Variants in SKAP2 observed in about 807,000 individuals in gnomAD.
SKAP2 encodes the protein src kinase associated phosphoprotein 2.
SKAP2 carries 28 observed loss-of-function variants against 54.9 expected under a neutral mutation model. The observed-to-expected ratio is 0.51, with a 90% CI of 0.38 to 0.70. SKAP2 has a LOEUF of 0.70. SKAP2 is among the 30% of genes least tolerant of loss of function. The pLI is 0.00. For synonymous variants in SKAP2, 137 were observed against 134.3 expected, an observed-to-expected ratio of 1.02 and a Z score of -0.14; for missense variants, 356 against 424.1, an observed-to-expected ratio of 0.84 and a Z score of 1.41.
At chr7:26,675,323 G>C (rs942146289) in intron 11 of SKAP2, among the ~76,000 whole-genome samples, 1 of 152,098 alleles carries the variant, frequency 6.6e-6, no homozygotes, top group Non-Finnish European at 1.5e-5. Flanking sequence ...TTCCTTCCCA[G>C]AGACATCTCC....
intron 4 of SKAP2, among the ~76,000 whole-genome samples, chr7:26,744,941 G>A (rs542079589): frequency 1.3e-5 from 2 of 152,096 alleles, no homozygotes; most frequent in South Asian, 4.2e-4. Flanking sequence ...AGACTTCTAA[G>A]GAATCCAAAG....
intron 11 of SKAP2, among the ~76,000 whole-genome samples, chr7:26,682,458 A>C (rs888024725): frequency 2.6e-5 from 4 of 152,214 alleles, no homozygotes; most frequent in Admixed American, 6.5e-5. Context: ...AAGATTTACC[A>C]GGTTGATTCC....
chr7:26,858,833 T>G (rs1394757926), intron 1 of SKAP2, among the ~76,000 whole-genome samples: 2 of 152,180 alleles, frequency 1.3e-5, no homozygotes, highest in Non-Finnish European at 2.9e-5. Context: ...TAGCACAGAT[T>G]CCCACTCTTG....
chr7:26,825,995 C>A (rs1247715221), intron 4 of SKAP2, among the ~76,000 whole-genome samples: 1 of 151,966 alleles, frequency 6.6e-6, no homozygotes, highest in African/African-American at 2.4e-5. Flanking sequence ...TTAAGACTAC[C>A]TCAGTTTTCC....
intron 9 of SKAP2, among the ~76,000 whole-genome samples, chr7:26,691,094 A>G (rs1786770445): frequency 6.6e-6 from 1 of 152,188 alleles, no homozygotes; most frequent in African/African-American, 2.4e-5. Context: ...AGACTCAAAA[A>G]GGTGAAGTAA....
intron 6 of SKAP2, among the ~76,000 whole-genome samples, chr7:26,737,635 T>C (rs907179219): frequency 6.6e-6 from 1 of 152,234 alleles, no homozygotes; most frequent in African/African-American, 2.4e-5. Flanking sequence ...CATTCAGTGA[T>C]ACTTTTGCCT....
At chr7:26,699,507 C>T (rs1314186298) in intron 9 of SKAP2, among the ~76,000 whole-genome samples, 2 of 151,992 alleles carry the variant, frequency 1.3e-5, no homozygotes, top group Non-Finnish European at 2.9e-5. Flanking sequence ...ATTAATAAAT[C>T]AACATTCTTT....
chr7:26,705,862 A>C (rs1168920690), intron 9 of SKAP2, among the ~76,000 whole-genome samples: 3 of 152,216 alleles, frequency 2.0e-5, no homozygotes, highest in Non-Finnish European at 4.4e-5. Context: ...GGGTATTTTC[A>C]TATATTGAAA....
intron 10 of SKAP2, among the ~76,000 whole-genome samples, chr7:26,688,577 T>C (rs960741403): frequency 3.3e-5 from 5 of 152,190 alleles, no homozygotes; most frequent in African/African-American, 7.2e-5. Context: ...AGAGCAAAGG[T>C]CACTTCTATG....
chr7:26,720,789 T>C (rs1208860603), intron 9 of SKAP2, among the ~76,000 whole-genome samples: 1 of 152,126 alleles, frequency 6.6e-6, no homozygotes, highest in Admixed American at 6.5e-5. Context: ...ACTCACTCAC[T>C]ATCACGAGAA....
intron 4 of SKAP2, among the ~76,000 whole-genome samples, chr7:26,801,504 C>G (rs1007460006): frequency 1.2e-4 from 18 of 152,094 alleles, no homozygotes; most frequent in Admixed American, 9.2e-4. Context: ...GAAGTCCTAG[C>G]TAGAGCAATC....
At chr7:26,772,372 C>T (rs7810179) in intron 4 of SKAP2, among the ~76,000 whole-genome samples, 70,055 of 151,882 alleles carry the variant, frequency 0.46, 17,057 homozygotes, top group East Asian at 0.59. Flanking sequence ...TTGACCCTCA[C>T]CCTCCTCCTA....
At chr7:26,676,531 AC>A (rs1434994310) in intron 11 of SKAP2, among the ~76,000 whole-genome samples, 1 of 152,062 alleles carries the variant, frequency 6.6e-6, no homozygotes, top group Non-Finnish European at 1.5e-5. Context: ...CGATTTCTTT[AC>A]CTATAAAGTG....
At chr7:26,725,671 T>C (rs1317166591) in intron 8 of SKAP2, 106 bp from the exon 9 acceptor site, 1 of 1,118,844 alleles carries the variant, frequency 8.9e-7, no homozygotes, top group African/African-American at 1.6e-5. Context: ...ACAATATTGT[T>C]ATATGTTATG....
Position 26,856,193 on chromosome 7 carries a change from T to TA in SKAP2, c.68-1304dup, listed in dbSNP as rs3839808. ...AATAATTAAGAATACTGTAATAATT[T>TA]AAAAAAAATAGCTTATGGTTTGAAG... is the stretch of plus-strand genomic sequence containing the variant. On this transcript the variant is annotated intron_variant, in intron 1 of 12. Transcript: ENST00000345317. Among the ~76,000 whole-genome samples, 11 of 151,842 alleles carry TA rather than the reference T, an allele frequency of 7.2e-5. 1 individual carries two copies. Among genetic ancestry groups the TA allele is most frequent in the East Asian group, 3.9e-4 (2 of 5,172 alleles).
chr7:26,799,308 G>A (rs1360319455), intron 4 of SKAP2, among the ~76,000 whole-genome samples: 1 of 151,828 alleles, frequency 6.6e-6, no homozygotes, highest in African/African-American at 2.4e-5. Flanking sequence ...TTGATCTGTT[G>A]CCTTACAGGA....
chr7:26,731,719 G>C (rs1787827982), intron 6 of SKAP2, among the ~76,000 whole-genome samples: 1 of 151,976 alleles, frequency 6.6e-6, no homozygotes. Flanking sequence ...GATATTTCTT[G>C]TTGTATCCCC....
At position 26,844,110 on chromosome 7, in the gene SKAP2, T is replaced by C. The variant is rs775739380; in HGVS notation, c.227A>G (p.Asp76Gly). Residue 76 changes from aspartate to glycine, a missense_variant, in exon 4 of 13, where the codon GAT becomes GGT. Coordinates refer to ENST00000345317, the MANE Select transcript of SKAP2 (RefSeq NM_003930.5). ...GTCTGGAGGCCCAGCAAAAGGGTCA[T>C]CATATTCTTCCCCATCTTCTGCATC... The part of the protein sequence containing the change: ...KGDAEDGEEY[D>G]DPFAGPPDTI... 6 of 1,609,346 alleles carry C rather than the reference T, an allele frequency of 3.7e-6. No homozygotes were observed. The highest frequency in any genetic ancestry group is 2.2e-5 in the South Asian group (2 of 90,964).
At chr7:26,700,465 AT>A (rs1266818722) in intron 9 of SKAP2, among the ~76,000 whole-genome samples, 1 of 152,184 alleles carries the variant, frequency 6.6e-6, no homozygotes, top group Non-Finnish European at 1.5e-5. Flanking sequence ...CAACACAGCC[AT>A]CCCCAACTGC....
Sources: gnomAD v4.1 joint callset for allele counts (sites outside exome capture counted in the v4.1 genomes callset) on GRCh38, gnomAD v4.1.1 for gene constraint, MANE v1.5 for transcripts, NCBI Gene and HGNC (gene_info 2026-07-23, HGNC 2026-07-21) for gene names.